The following CMIP variants were observed in gnomAD, a reference collection of about 807,000 sequenced individuals.
CMIP encodes the protein C-Maf-inducing protein.
A neutral mutation model predicts 97.3 loss-of-function variants in CMIP; 13 were observed. The observed-to-expected ratio is 0.13, with a 90% CI of 0.09 to 0.21. CMIP has a LOEUF of 0.21. Among genes scored for constraint, CMIP ranks in the 10% least tolerant of loss-of-function variants. The pLI, the probability that CMIP is intolerant of heterozygous loss-of-function variation, is 1.00. For synonymous variants in CMIP, 538 were observed against 436.3 expected (o/e 1.23, Z -2.91); for missense variants, 847 against 1,024.9 (o/e 0.83, Z 2.37).
At chr16:81,663,655 T>TGG (rs879267160) in intron 6 of CMIP, among the ~76,000 whole-genome samples, 6 of 152,148 alleles carry the variant, frequency 3.9e-5, no homozygotes, top group Non-Finnish European at 7.4e-5. Context: ...TGTGTCAGTG[T>TGG]GGGGTTCTCC....
intron 19 of CMIP, 30 bp downstream of exon 19, chr16:81,705,634 A>T: frequency 7.0e-7 from 1 of 1,436,040 alleles, no homozygotes; most frequent in Non-Finnish European, 9.6e-7. Flanking sequence ...CTGGGGGGTG[A>T]GGGGCCGCTT....
At chr16:81,641,042 AC>A (rs1027271473) in intron 3 of CMIP, among the ~76,000 whole-genome samples, 1 of 152,010 alleles carries the variant, frequency 6.6e-6, no homozygotes, top group African/African-American at 2.4e-5. Context: ...GTGGGTGAGA[AC>A]CTTGCTTCTT....
chr16:81,643,301 C>T (rs1411522448), intron 3 of CMIP, among the ~76,000 whole-genome samples: 1 of 152,130 alleles, frequency 6.6e-6, no homozygotes, highest in Non-Finnish European at 1.5e-5. Context: ...GTGTATGATT[C>T]CATTTATATG....
intron 1 of CMIP, among the ~76,000 whole-genome samples, chr16:81,571,401 G>C (rs992358384): frequency 6.6e-6 from 1 of 152,008 alleles, no homozygotes; most frequent in Non-Finnish European, 1.5e-5. Flanking sequence ...CCAGGAATTT[G>C]AGGCTGCAGC....
intron 1 of CMIP, among the ~76,000 whole-genome samples, chr16:81,521,847 A>G (rs2090034261): frequency 6.6e-6 from 1 of 152,192 alleles, no homozygotes; most frequent in South Asian, 2.1e-4. Context: ...GAAAGGAGAA[A>G]GGTATCCTGA....
At chr16:81,698,762 C>G (rs760686927) in intron 14 of CMIP, among the ~76,000 whole-genome samples, 7 of 152,160 alleles carry the variant, frequency 4.6e-5, no homozygotes, top group South Asian at 2.1e-4. Context: ...CACACTGACT[C>G]CCCCTTCCTC....
intron 4 of CMIP, among the ~76,000 whole-genome samples, chr16:81,653,547 G>T (rs1188683604): frequency 6.6e-6 from 1 of 152,244 alleles, no homozygotes; most frequent in South Asian, 2.1e-4. Flanking sequence ...TCACAGAGTG[G>T]CTGGAATTCT....
intron 2 of CMIP, chr16:81,620,075 C>G (rs2091972864): frequency 6.6e-6 from 1 of 152,178 alleles, no homozygotes; most frequent in Non-Finnish European, 1.5e-5. Flanking sequence ...ATGTGCCAAG[C>G]CTGGTTCTAG....
intron 1 of CMIP, among the ~76,000 whole-genome samples, chr16:81,553,754 G>T (rs777547789): frequency 1.1e-4 from 16 of 151,548 alleles, no homozygotes; most frequent in Non-Finnish European, 1.2e-4. Flanking sequence ...GCTATAGGCA[G>T]CATGGCCAAG....
intron 1 of CMIP, among the ~76,000 whole-genome samples, chr16:81,530,817 A>G (rs1448156414): frequency 1.3e-5 from 2 of 152,112 alleles, no homozygotes; most frequent in Admixed American, 6.5e-5. Flanking sequence ...CCTCTTTTAC[A>G]TACATTATCT....
chr16:81,709,716 C>A (rs374435097), intron 20 of CMIP, 30 bp from the exon 21 acceptor site: 5 of 1,613,030 alleles, frequency 3.1e-6, no homozygotes, highest in South Asian at 2.2e-5. Context: ...ATGGCCTACA[C>A]GTGACAAGGA....
At chr16:81,625,796 T>A (rs1030806495) in intron 3 of CMIP, among the ~76,000 whole-genome samples, 5 of 152,144 alleles carry the variant, frequency 3.3e-5, no homozygotes, top group African/African-American at 4.8e-5. Flanking sequence ...TCCTGGTGCC[T>A]CTCCACCTTC....
intron 1 of CMIP, among the ~76,000 whole-genome samples, chr16:81,567,235 G>T (rs748830075): frequency 6.6e-6 from 1 of 152,268 alleles, no homozygotes; most frequent in Non-Finnish European, 1.5e-5. Flanking sequence ...CCCGCACCAC[G>T]GGAGCTTGTG....
At position 81,678,558 on chromosome 16, in the gene CMIP, A is replaced by AC. The variant is rs1238285851; in HGVS notation, c.1320dup (p.Met441HisfsTer27). The AC allele has an allele frequency of 6.2e-7, 1 of 1,608,890 alleles. No individual in the cohort carries two copies. Reference sequence around the variant, plus strand: ...CCTCATGGTCAGCCCCGCCTGCAGCACCATGAGCATCGAGCTGGGCCCCCA... The same window carrying AC: ...CCTCATGGTCAGCCCCGCCTGCAGCACCCATGAGCATCGAGCTGGGCCCCCA... On this transcript the variant is annotated frameshift_variant, in exon 10 of 21. Coordinates refer to ENST00000537098, the MANE Select transcript of CMIP (RefSeq NM_198390.3). LOFTEE classifies it high-confidence loss of function.
chr16:81,451,304 A>G (rs915605048), intron 1 of CMIP, among the ~76,000 whole-genome samples: 8 of 151,996 alleles, frequency 5.3e-5, no homozygotes, highest in African/African-American at 1.5e-4. Context: ...TAGCTCTTTC[A>G]TTCTCCTCTT....
chr16:81,533,222 G>A (rs573781142), intron 1 of CMIP, among the ~76,000 whole-genome samples: 1 of 152,252 alleles, frequency 6.6e-6, no homozygotes, highest in South Asian at 2.1e-4. Context: ...AGAAAGGCAG[G>A]GGTTTGCCTG....
chr16:81,459,084 C>A (rs1906748964), intron 1 of CMIP, among the ~76,000 whole-genome samples: 1 of 152,000 alleles, frequency 6.6e-6, no homozygotes, highest in African/African-American at 2.4e-5. Flanking sequence ...GTCACCATCA[C>A]TGTCATTACT....
intron 3 of CMIP, among the ~76,000 whole-genome samples, chr16:81,648,598 A>G (rs1044376236): frequency 6.6e-6 from 1 of 151,928 alleles, no homozygotes; most frequent in African/African-American, 2.4e-5. Context: ...AGCCTGGCCA[A>G]CATGGTGAAG....
intron 3 of CMIP, among the ~76,000 whole-genome samples, chr16:81,649,285 C>T (rs746837551): frequency 1.2e-4 from 19 of 152,358 alleles, no homozygotes; most frequent in Non-Finnish European, 7.3e-5. Flanking sequence ...TGGGCCCTCC[C>T]GGGAAAGCTG....
Sources: gnomAD v4.1 joint callset for allele counts (sites outside exome capture counted in the v4.1 genomes callset) on GRCh38, gnomAD v4.1.1 for gene constraint, MANE v1.5 for transcripts, NCBI Gene and HGNC (gene_info 2026-07-23, HGNC 2026-07-21) for gene names.